Variants in FOXP1 observed in about 807,000 individuals in gnomAD.
FOXP1 encodes forkhead box protein P1.
A neutral mutation model predicts 98.2 loss-of-function variants in FOXP1; 15 were observed. That is an observed-to-expected ratio of 0.15 (90% CI 0.10 to 0.24). The LOEUF is 0.24. Among genes scored for constraint, FOXP1 ranks in the 10% least tolerant of loss-of-function variants. The probability of loss-of-function intolerance (pLI) is 1.00; values close to 1 mark genes in which losing one functional copy is unlikely to be tolerated. For missense variants in FOXP1, 633 were observed against 848.5 expected (o/e 0.75, Z 3.15); for synonymous variants, 371 against 314.5 (o/e 1.18, Z -1.90).
chr3:71,064,853 G>A, intron 7 of FOXP1: 1 of 981,900 alleles, frequency 1.0e-6, no homozygotes, highest in Non-Finnish European at 1.2e-6. Context: ...CGCCAGGCGC[G>A]CGGAGCCGGG....
At chr3:71,291,343 G>A (rs1039408345) in intron 5 of FOXP1, among the ~76,000 whole-genome samples, 19 of 152,128 alleles carry the variant, frequency 1.2e-4, no homozygotes, top group African/African-American at 4.6e-4. Flanking sequence ...ACATGTAATC[G>A]ATGAAGAAAA....
chr3:71,015,164 C>CCAA lies in FOXP1; in HGVS notation c.974+382_974+384dup, dbSNP rs529565593. 5.5e-3 allele frequency among the ~76,000 whole-genome samples: 827 copies of CCAA among 150,526 alleles called. 7 individuals carry two copies. The highest frequency in any genetic ancestry group is 0.02 in the Middle Eastern group (6 of 294). ...TAAAAAAAAAAAGAAGATGACACCT[C>CCAA]CAACAACAACAACAACAACAACAAA... On this transcript the variant is annotated intron_variant, in intron 12 of 20. Coordinates refer to ENST00000649528, the MANE Select transcript of FOXP1 (RefSeq NM_001349338.3).
chr3:71,291,292 A>T (rs1455730931), intron 5 of FOXP1, among the ~76,000 whole-genome samples: 2 of 152,236 alleles, frequency 1.3e-5, no homozygotes, highest in Non-Finnish European at 1.5e-5. Context: ...AATTAATTTT[A>T]ATATTTTATT....
intron 6 of FOXP1, among the ~76,000 whole-genome samples, chr3:71,116,876 A>G (rs1412421511): frequency 6.6e-6 from 1 of 152,252 alleles, no homozygotes; most frequent in African/African-American, 2.4e-5. Context: ...TATGATTTGT[A>G]AAAAGTAAAA....
intron 3 of FOXP1, among the ~76,000 whole-genome samples, chr3:71,366,320 AAAGC>A (rs2078927972): frequency 6.6e-6 from 1 of 152,206 alleles, no homozygotes; most frequent in South Asian, 2.1e-4. Flanking sequence ...AAACAGAACA[AAAGC>A]AAGTAAATGA....
At chr3:71,413,137 CAAA>C in intron 3 of FOXP1, among the ~76,000 whole-genome samples, 1 of 147,192 alleles carries the variant, frequency 6.8e-6, no homozygotes, top group African/African-American at 2.5e-5. Context: ...CACGCACCCC[CAAA>C]CAGCCACACA....
At chr3:71,206,496 A>C (rs1488865504) in intron 5 of FOXP1, among the ~76,000 whole-genome samples, 3 of 152,224 alleles carry the variant, frequency 2.0e-5, no homozygotes, top group Admixed American at 6.5e-5. Context: ...CCTGTAATTC[A>C]TGACTCAGAA....
intron 4 of FOXP1, among the ~76,000 whole-genome samples, chr3:71,328,987 A>C (rs960658157): frequency 1.7e-5 from 2 of 115,522 alleles, no homozygotes; most frequent in African/African-American, 5.8e-5. Flanking sequence ...AAAAAAAAAA[A>C]AACAAAAAAA....
chr3:71,253,535 G>A (rs1008820743), intron 5 of FOXP1, among the ~76,000 whole-genome samples: 6 of 152,134 alleles, frequency 3.9e-5, no homozygotes, highest in African/African-American at 1.4e-4. Flanking sequence ...ATAATAAAGT[G>A]CAATATTACT....
chr3:71,301,028 A>G lies in FOXP1; in HGVS notation c.-72-1148T>C, dbSNP rs188220375. On this transcript the variant is annotated intron_variant, in intron 4 of 20. Coordinates refer to ENST00000649528, the MANE Select transcript of FOXP1 (RefSeq NM_001349338.3). ...GAGGCCAATTTATGACATTTCCACA[A>G]GCAAGTGTATGCAGATTCTTGCCAT... Among the ~76,000 whole-genome samples the G allele has an allele frequency of 3.3e-4, 51 of 152,308 alleles. No homozygotes were observed. The Middle Eastern group carries it at 0.01, about 30-fold the overall frequency.
At chr3:71,316,525 G>C (rs897154652) in intron 4 of FOXP1, among the ~76,000 whole-genome samples, 1 of 152,170 alleles carries the variant, frequency 6.6e-6, no homozygotes, top group African/African-American at 2.4e-5. Context: ...GCAAGAGACA[G>C]AGGGGCTGGA....
chr3:71,368,259 G>T (rs574687056), intron 3 of FOXP1, among the ~76,000 whole-genome samples: 12 of 152,196 alleles, frequency 7.9e-5, no homozygotes, highest in African/African-American at 2.9e-4. Context: ...TGAGTAGCTG[G>T]GATAAACAGG....
intron 3 of FOXP1, among the ~76,000 whole-genome samples, chr3:71,379,964 T>A (rs1254283880): frequency 6.6e-6 from 1 of 152,186 alleles, no homozygotes. Context: ...ATAGACTAAT[T>A]TATATTCTAA....
intron 3 of FOXP1, among the ~76,000 whole-genome samples, chr3:71,362,664 C>G (rs966884299): frequency 7.2e-5 from 11 of 152,118 alleles, no homozygotes; most frequent in African/African-American, 2.4e-4. Flanking sequence ...GAGACAGTGT[C>G]TCACTGTGCT....
At chr3:71,426,184 T>A (rs1466085175) in intron 3 of FOXP1, among the ~76,000 whole-genome samples, 2 of 152,184 alleles carry the variant, frequency 1.3e-5, no homozygotes, top group Non-Finnish European at 2.9e-5. Flanking sequence ...ATTGAAAAGA[T>A]CCTATGAACA....
At chr3:71,271,642 A>G (rs2070363656) in intron 5 of FOXP1, among the ~76,000 whole-genome samples, 2 of 152,240 alleles carry the variant, frequency 1.3e-5, no homozygotes, top group South Asian at 4.1e-4. Flanking sequence ...CTGACGGATC[A>G]CTGGTACATA....
intron 5 of FOXP1, among the ~76,000 whole-genome samples, chr3:71,222,898 C>T (rs557605304): frequency 1.7e-4 from 26 of 152,198 alleles, no homozygotes; most frequent in Non-Finnish European, 3.4e-4. Flanking sequence ...CAACCTGCTA[C>T]TTTGCCTGAT....
intron 6 of FOXP1, among the ~76,000 whole-genome samples, chr3:71,115,655 A>C (rs2058318835): frequency 6.6e-6 from 1 of 151,706 alleles, no homozygotes; most frequent in Non-Finnish European, 1.5e-5. Flanking sequence ...TAAATAGTCA[A>C]GTCTCAGAGC....
intron 5 of FOXP1, among the ~76,000 whole-genome samples, chr3:71,209,088 T>C (rs1290959713): frequency 6.6e-6 from 1 of 152,114 alleles, no homozygotes; most frequent in Non-Finnish European, 1.5e-5. Flanking sequence ...TCTTTACTGG[T>C]GACATTACTT....
Sources: allele counts gnomAD v4.1 joint callset (sites outside exome capture counted in the v4.1 genomes callset), GRCh38; gene constraint gnomAD v4.1.1; transcripts MANE v1.5; gene names NCBI Gene and HGNC (gene_info 2026-07-23, HGNC 2026-07-21).